The following RIC3 variants were observed in gnomAD, a reference collection of about 807,000 sequenced individuals.
RIC3 encodes the protein RIC3 acetylcholine receptor chaperone, also known as protein RIC-3.
A neutral mutation model predicts 27.3 loss-of-function variants in RIC3; 28 were observed. The observed-to-expected ratio is 1.02, with a 90% CI of 0.76 to 1.41. The LOEUF is 1.41. RIC3 is among the 40% of genes most tolerant of loss of function. RIC3 has a pLI of 0.00. For missense variants in RIC3, 501 were observed against 444.7 expected (o/e 1.13, Z -1.14); for synonymous variants, 184 against 160.4 (o/e 1.15, Z -1.11).
In RIC3 at chr11:8,110,688, C is replaced by T. The variant is rs773321103; in HGVS notation, c.*10G>A. The T allele has an allele frequency of 6.2e-7, 1 of 1,613,212 alleles. No individual in the cohort carries two copies. The highest frequency in any genetic ancestry group is 1.1e-5 in the South Asian group (1 of 91,060). The stretch of plus-strand genomic sequence containing the variant: ...GGACTTGAGTAATGGATACTTCAGA[C>T]TGGCTGTTTTCACTCTAAACCCTGG... On this transcript the variant is annotated 3_prime_UTR_variant, in exon 6 of 6. Coordinates refer to ENST00000309737, the MANE Select transcript of RIC3 (RefSeq NM_001206671.4).
intron 5 of RIC3, among the ~76,000 whole-genome samples, chr11:8,121,728 T>A (rs7937959): frequency 0.47 from 70,871 of 150,926 alleles, 18,221 homozygotes; most frequent in African/African-American, 0.68. Context: ...TCAAAAAAAA[T>A]AATAATAACT....
At chr11:8,140,651 G>T (rs1948947368) in intron 1 of RIC3, among the ~76,000 whole-genome samples, 1 of 152,216 alleles carries the variant, frequency 6.6e-6, no homozygotes, top group African/African-American at 2.4e-5. Flanking sequence ...AAATAATTAT[G>T]TAGTGCAGAG....
At chr11:8,094,249 G>T in the RIC3 span, 1 of 1,531,932 alleles carries the variant, frequency 6.5e-7, no homozygotes, top group South Asian at 1.3e-5. Context: ...TAGGGCTGGG[G>T]AAGGTTTGTC....
chr11:8,135,131 C>A (rs1201804557), intron 4 of RIC3, among the ~76,000 whole-genome samples: 2 of 152,160 alleles, frequency 1.3e-5, no homozygotes, highest in Non-Finnish European at 2.9e-5. Context: ...ACATTTAAGT[C>A]TTTAAACCAT....
intron 1 of RIC3, among the ~76,000 whole-genome samples, chr11:8,162,003 G>A (rs1407345937): frequency 6.9e-5 from 9 of 129,926 alleles, no homozygotes; most frequent in African/African-American, 2.4e-4. Context: ...GGAATGTGAG[G>A]AGGTAATGTC....
At chr11:8,141,123 C>T (rs560883797) in intron 1 of RIC3, among the ~76,000 whole-genome samples, 4,006 of 149,526 alleles carry the variant, frequency 0.027, 168 homozygotes, top group Admixed American at 0.11. Flanking sequence ...ACTGCATCAA[C>T]TAACGAGCAA....
intron 1 of RIC3, among the ~76,000 whole-genome samples, chr11:8,151,016 T>G (rs1950174291): frequency 6.6e-6 from 1 of 152,192 alleles, no homozygotes; most frequent in South Asian, 2.1e-4. Context: ...GACCTAATTA[T>G]AAGAGCTGAA....
Position 8,110,603 on chromosome 11 carries a change from G to T in RIC3, c.*95C>A. ...CTGATAGCTATGACACTTGAACACA[G>T]TGAAGAAAGTGCAGGGCACAGGGCC... On this transcript the variant is annotated 3_prime_UTR_variant, in exon 6 of 6. Transcript: ENST00000309737. 1 of 1,086,420 alleles carries T rather than the reference G, an allele frequency of 9.2e-7. No individual in the cohort carries two copies. The highest frequency in any genetic ancestry group is 1.4e-6 in the Non-Finnish European group (1 of 707,074). The allele number at this position is 1,086,420 out of a possible 1,614,324, so 67.3% of individuals were successfully genotyped here.
Position 8,145,675 on chromosome 11 carries a change from A to C in RIC3, c.125-5482T>G, listed in dbSNP as rs9783349. ...CAGAGGCAGGGGGAGGTGTTACATC[A>C]ATTTTCTTGCATTTTTTTTTTCTCC... On this transcript the variant is annotated intron_variant, in intron 1 of 5. Transcript: ENST00000309737. Among the ~76,000 whole-genome samples the C allele has an allele frequency of 2.6e-5, 4 of 151,994 alleles. No homozygotes were observed. In the South Asian group the frequency reaches 6.2e-4, roughly 24 times the overall value.
downstream of RIC3, chr11:8,101,346 T>A: frequency 8.5e-7 from 1 of 1,173,196 alleles, no homozygotes; most frequent in Non-Finnish European, 1.2e-6. Flanking sequence ...GCCTTTGTTT[T>A]ACTTCCCTTT....
the RIC3 span, chr11:8,100,499 C>T: frequency 1.1e-5 from 17 of 1,613,704 alleles, no homozygotes; most frequent in Non-Finnish European, 1.4e-5. Flanking sequence ...GTTCTCTTTC[C>T]CAGGAGACAA....
In RIC3 at chr11:8,135,913, A is replaced by T. The variant is rs1203097338; in HGVS notation, c.521+1465T>A. 3.3e-5 allele frequency: 5 copies of T among 152,236 alleles called. No individual in the cohort carries two copies. In the East Asian group the frequency reaches 9.6e-4, roughly 29 times the overall value. 9.4% of individuals were successfully genotyped at this position (152,236 alleles called of 1,614,324 possible). ...AAATTGGTTTAGTCACACTCATACA[A>T]ATAGTCATATGTTAGATAATGTATA... is the stretch of plus-strand genomic sequence containing the variant. On this transcript the variant is annotated intron_variant, in intron 4 of 5. Transcript: ENST00000309737.
chr11:8,112,392 C>G (rs1340343810), intron 5 of RIC3, among the ~76,000 whole-genome samples: 1 of 151,524 alleles, frequency 6.6e-6, no homozygotes, highest in African/African-American at 2.4e-5. Flanking sequence ...CTCCCCGATT[C>G]AAGTGATTCT....
At chr11:8,166,536 T>G (rs1377121907) in intron 1 of RIC3, among the ~76,000 whole-genome samples, 5 of 152,296 alleles carry the variant, frequency 3.3e-5, no homozygotes, top group African/African-American at 1.2e-4. Flanking sequence ...ATACTGAAAT[T>G]CTGAGTACAA....
intron 1 of RIC3, among the ~76,000 whole-genome samples, chr11:8,161,726 G>A (rs1194976237): frequency 1.3e-5 from 2 of 152,178 alleles, no homozygotes; most frequent in Non-Finnish European, 2.9e-5. Context: ...AAGAGGCCTG[G>A]AGCTGTGCCC....
the RIC3 span, among the ~76,000 whole-genome samples, chr11:8,099,161 C>T: frequency 1.3e-5 from 2 of 152,004 alleles, no homozygotes; most frequent in Non-Finnish European, 2.9e-5. Flanking sequence ...AGACGGTCGC[C>T]CTGGGTTCTT....
At chr11:8,120,195 T>C (rs1946290179) in intron 5 of RIC3, among the ~76,000 whole-genome samples, 2 of 152,242 alleles carry the variant, frequency 1.3e-5, no homozygotes, top group Admixed American at 1.3e-4. Flanking sequence ...ACTGGGTATA[T>C]ACCCAAAGGA....
intron 4 of RIC3, among the ~76,000 whole-genome samples, chr11:8,136,913 G>A (rs181657108): frequency 3.5e-4 from 53 of 152,184 alleles, no homozygotes; most frequent in African/African-American, 1.2e-3. Flanking sequence ...AATGAAAAAT[G>A]TTAAATGATA....
intron 5 of RIC3, among the ~76,000 whole-genome samples, chr11:8,111,428 T>G (rs1203233162): frequency 3.3e-5 from 5 of 152,138 alleles, no homozygotes; most frequent in Non-Finnish European, 5.9e-5. Flanking sequence ...GCAGTACTGA[T>G]GAAGATTAAA....
Sources: allele counts gnomAD v4.1 joint callset (sites outside exome capture counted in the v4.1 genomes callset), GRCh38; gene constraint gnomAD v4.1.1; transcripts MANE v1.5; gene names NCBI Gene and HGNC (gene_info 2026-07-23, HGNC 2026-07-21).